The following ARMC8 variants were observed in gnomAD, a reference collection of about 807,000 sequenced individuals.
The protein encoded by ARMC8 is armadillo repeat-containing protein 8.
Under a neutral mutation model 99.3 loss-of-function variants are expected in ARMC8, and 20 were observed. That is an observed-to-expected ratio of 0.20 (90% CI 0.14 to 0.29). The LOEUF (loss-of-function observed/expected upper bound fraction) is 0.29. Ranked by LOEUF, ARMC8 falls within the 10% of genes least tolerant of loss-of-function variation. The pLI, the probability that ARMC8 is intolerant of heterozygous loss-of-function variation, is 1.00. For synonymous variants in ARMC8, 263 were observed against 278.3 expected (o/e 0.95, Z 0.55); for missense variants, 569 against 809.5 (o/e 0.70, Z 3.60).
chr3:138,274,176 C>T (rs1282470991), intron 17 of ARMC8, among the ~76,000 whole-genome samples: 1 of 151,814 alleles, frequency 6.6e-6, no homozygotes, highest in Non-Finnish European at 1.5e-5. Context: ...ATTGTGCTTT[C>T]ATATTCTGTC....
In ARMC8 at chr3:138,223,722, C is replaced by G; in HGVS notation, c.424C>G (p.Leu142Val). ...IFTSPVTPEE[L>V]LYTDATVIPH... is the part of the protein sequence containing the mutation. ...CACCAGTCCTGTCACTCCAGAGGAGCTACTGTATACAGTGAGTTTTAGATG... is the reference window on the plus strand; with the variant it reads ...CACCAGTCCTGTCACTCCAGAGGAGGTACTGTATACAGTGAGTTTTAGATG... Residue 142 changes from leucine to valine, a missense_variant, in exon 5 of 22, where the codon CTA (leucine) becomes GTA (valine). Leu to Val is a conservative substitution (Grantham distance 32). Coordinates refer to ENST00000469044, the MANE Select transcript of ARMC8 (RefSeq NM_001363941.2). 1 of 1,613,582 alleles carries G rather than the reference C, an allele frequency of 6.2e-7. No individual in the cohort carries two copies. The highest frequency in any genetic ancestry group is 8.5e-7 in the Non-Finnish European group (1 of 1,179,522).
At chr3:138,220,338 A>T (rs1335387766) in intron 2 of ARMC8, among the ~76,000 whole-genome samples, 1 of 152,170 alleles carries the variant, frequency 6.6e-6, no homozygotes, top group East Asian at 1.9e-4. Flanking sequence ...CAGTCCCATA[A>T]ACAACAACAA....
At chr3:138,287,057 C>T (rs942780569) in intron 19 of ARMC8, among the ~76,000 whole-genome samples, 1 of 152,202 alleles carries the variant, frequency 6.6e-6, no homozygotes, top group Admixed American at 6.5e-5. Context: ...AGTCACAGCA[C>T]CTTATGCCTG....
chr3:138,253,524 G>A (rs1327215708), intron 12 of ARMC8, among the ~76,000 whole-genome samples: 1 of 152,102 alleles, frequency 6.6e-6, no homozygotes, highest in Non-Finnish European at 1.5e-5. Context: ...GCATAGAATG[G>A]CAAGAAATTT....
At chr3:138,277,478 G>C (rs2049411695) in intron 18 of ARMC8, among the ~76,000 whole-genome samples, 1 of 152,216 alleles carries the variant, frequency 6.6e-6, no homozygotes, top group Admixed American at 6.5e-5. Context: ...TCCACCGGAA[G>C]GAATATTTGT....
rs2050173874 is a variant in ARMC8 at position 138,284,017 on chromosome 3, G to A, written c.1726-414G>A. ...AAAGGGAGGCTTCCCTGGGAGGGGAGTTGCAACACCTACAGAGCTTCCACC... is the reference window on the plus strand; with the variant it reads ...AAAGGGAGGCTTCCCTGGGAGGGGAATTGCAACACCTACAGAGCTTCCACC... On this transcript the variant is annotated intron_variant, in intron 18 of 21. Transcript: ENST00000469044. Among the ~76,000 whole-genome samples the A allele has an allele frequency of 4.6e-5, 7 of 152,324 alleles. No homozygotes were observed. The South Asian group carries it at 1.5e-3, about 32-fold the overall frequency.
At chr3:138,189,545 C>G (rs2043258722) in intron 1 of ARMC8, among the ~76,000 whole-genome samples, 1 of 152,148 alleles carries the variant, frequency 6.6e-6, no homozygotes, top group African/African-American at 2.4e-5. Context: ...CTACAATGTA[C>G]CAGTTACGTA....
At chr3:138,230,416 C>T (rs1044224432) in intron 6 of ARMC8, among the ~76,000 whole-genome samples, 4 of 152,002 alleles carry the variant, frequency 2.6e-5, no homozygotes, top group African/African-American at 9.7e-5. Flanking sequence ...TTTGAGAGGC[C>T]GAGGCAGGTG....
At chr3:138,257,901 C>T (rs2108238979) in intron 12 of ARMC8, among the ~76,000 whole-genome samples, 1 of 152,232 alleles carries the variant, frequency 6.6e-6, no homozygotes, top group South Asian at 2.1e-4. Flanking sequence ...ATCCCTCCTG[C>T]TTTAACTAGA....
rs1027607273 is a variant in ARMC8 at position 138,187,815 on chromosome 3, G to A, written c.45+216G>A. ...GACGTTTCCAACTCCGGGAGCTCCC[G>A]CCGGTGCGGGTTCCCAGGATGGCGT... is the stretch of plus-strand genomic sequence containing the variant. On this transcript the variant is annotated intron_variant, in intron 1 of 21. Transcript: ENST00000469044. 5.3e-6 allele frequency: 3 copies of A among 561,396 alleles called. No homozygotes were observed. In the African/African-American group the frequency reaches 5.8e-5, roughly 11 times the overall value. 34.8% of individuals were successfully genotyped at this position (561,396 alleles called of 1,614,324 possible). A position where few individuals can be genotyped will look rare whatever the true frequency, so the allele number is the denominator to read the frequency against.
intron 14 of ARMC8, 47 bp downstream of exon 14, chr3:138,264,259 G>T (rs759518418): frequency 2.7e-6 from 4 of 1,470,774 alleles, no homozygotes; most frequent in Non-Finnish European, 3.8e-6. Context: ...ACAGACCCTA[G>T]AGTGAGCTGA....
chr3:138,294,177 A>G (rs1368492076), intron 21 of ARMC8, among the ~76,000 whole-genome samples: 4 of 152,228 alleles, frequency 2.6e-5, no homozygotes, highest in Non-Finnish European at 4.4e-5. Flanking sequence ...TCAGTTAAGT[A>G]CAGTAAGGTC....
At chr3:138,269,447 C>T (rs553813653) in intron 15 of ARMC8, among the ~76,000 whole-genome samples, 1 of 152,232 alleles carries the variant, frequency 6.6e-6, no homozygotes, top group Admixed American at 6.5e-5. Context: ...TAAAATGTGG[C>T]ATGACTGTAA....
intron 2 of ARMC8, among the ~76,000 whole-genome samples, chr3:138,217,094 G>A (rs1334234995): frequency 6.6e-6 from 1 of 152,166 alleles, no homozygotes; most frequent in African/African-American, 2.4e-5. Context: ...TAGTCTAAGT[G>A]TGTAGTAGGC....
At chr3:138,236,816 T>C (rs1029424038) in intron 7 of ARMC8, among the ~76,000 whole-genome samples, 4 of 152,188 alleles carry the variant, frequency 2.6e-5, no homozygotes, top group Non-Finnish European at 4.4e-5. Context: ...GCCCTTGGTA[T>C]TATCCCAAAC....
At chr3:138,256,639 C>T (rs977350904) in intron 12 of ARMC8, among the ~76,000 whole-genome samples, 5 of 151,708 alleles carry the variant, frequency 3.3e-5, no homozygotes, top group Admixed American at 3.3e-4. Flanking sequence ...CTCGATGTCC[C>T]GACCTCGTGA....
At chr3:138,221,765 A>G (rs1302919559) in intron 2 of ARMC8, among the ~76,000 whole-genome samples, 161 bp from the exon 3 acceptor site, 1 of 151,932 alleles carries the variant, frequency 6.6e-6, no homozygotes, top group African/African-American at 2.4e-5. Flanking sequence ...CCCCACATTC[A>G]CTCTGCACCT....
chr3:138,200,112 A>C (rs2043967540), intron 1 of ARMC8, among the ~76,000 whole-genome samples: 1 of 152,206 alleles, frequency 6.6e-6, no homozygotes, highest in Admixed American at 6.5e-5. Flanking sequence ...TAGATAAGTT[A>C]ACTGTCCTCA....
intron 21 of ARMC8, among the ~76,000 whole-genome samples, chr3:138,295,618 T>C (rs1362948346): frequency 6.6e-6 from 1 of 152,098 alleles, no homozygotes; most frequent in African/African-American, 2.4e-5. Flanking sequence ...CTGCAGCAGG[T>C]TTAAGTGCAG....
Sources: gnomAD v4.1 joint callset for allele counts (sites outside exome capture counted in the v4.1 genomes callset) on GRCh38, gnomAD v4.1.1 for gene constraint, MANE v1.5 for transcripts, NCBI Gene and HGNC (gene_info 2026-07-23, HGNC 2026-07-21) for gene names.